Variants in SLC6A20 observed in about 807,000 individuals in gnomAD.
SLC6A20 encodes the protein sodium- and chloride-dependent transporter XTRP3.
In SLC6A20, 73 loss-of-function variants were observed where a neutral mutation model predicts 64.3. The ratio of observed to expected loss-of-function variants is 1.14; its 90% CI spans 0.94 to 1.38. The LOEUF (loss-of-function observed/expected upper bound fraction) is 1.38. Ranked by LOEUF, SLC6A20 falls within the 40% of genes most tolerant of loss-of-function variation. The pLI, the probability that SLC6A20 is intolerant of heterozygous loss-of-function variation, is 0.00. For missense variants in SLC6A20, 725 were observed against 772.8 expected (o/e 0.94, Z 0.73); for synonymous variants, 347 against 329.6 (o/e 1.05, Z -0.57).
At position 45,770,222 on chromosome 3, in the gene SLC6A20, G is replaced by A. The variant is rs536701181; in HGVS notation, c.1085C>T (p.Ser362Leu). The change falls in exon 7 of 11, where the codon TCG (serine) becomes TTG (leucine). Residue 362 changes from serine (S) to leucine (L), a missense_variant. Physicochemically the swap from Ser to Leu is moderately radical, Grantham distance 145. Coordinates refer to ENST00000358525, the MANE Select transcript of SLC6A20 (RefSeq NM_020208.4). The part of the protein sequence containing the change: ...FPQIKNCSLE[S>L]ELDTAVQGTG... ...TGGGCATCTTACCGTGTCTAGCTCC[G>A]ATTCCAAGCTGCAGTTTTTGATTTG... The A allele has an allele frequency of 2.4e-5, 38 of 1,614,188 alleles. No homozygotes were observed. The highest frequency in any genetic ancestry group is 1.4e-4 in the South Asian group (13 of 91,074).
chr3:45,781,974 G>A (rs2125652139), intron 2 of SLC6A20, 109 bp downstream of exon 2: 1 of 1,386,466 alleles, frequency 7.2e-7, no homozygotes, highest in Non-Finnish European at 9.5e-7. Context: ...GCTCTCTCTT[G>A]GGCCTTGTGC....
chr3:45,781,039 G>A (rs1272465503), intron 2 of SLC6A20, among the ~76,000 whole-genome samples: 1 of 152,140 alleles, frequency 6.6e-6, no homozygotes, highest in Non-Finnish European at 1.5e-5. Context: ...TAATAGCCTA[G>A]CGAAACCCCA....
At position 45,770,357 on chromosome 3, in the gene SLC6A20, A is replaced by G. The variant is rs1699840052; in HGVS notation, c.950T>C (p.Leu317Pro). ...ATCTTCAAGGTCAAAAGTGTTGGTC[A>G]GCAGCAGACTCACCCTGCAGAGCAG... ...ENCLKKVSLL[L>P]TNTFDLEDGF... Residue 317 changes from leucine to proline, a missense_variant, in exon 7 of 11, where the codon CTG becomes CCG. Physicochemically the swap from Leu to Pro is moderately conservative, Grantham distance 98 (BLOSUM62 -3). Coordinates refer to ENST00000358525, the MANE Select transcript of SLC6A20 (RefSeq NM_020208.4). The G allele has an allele frequency of 1.2e-6, 2 of 1,614,074 alleles. No homozygotes were observed. The highest frequency in any genetic ancestry group is 4.5e-5 in the East Asian group (2 of 44,894).
At position 45,780,068 on chromosome 3, in the gene SLC6A20, A is replaced by G; in HGVS notation, c.295T>C (p.Ser99Pro). Residue 99 changes from serine to proline, a missense_variant, in exon 3 of 11, where the codon TCC becomes CCC. Transcript: ENST00000358525. ...VASVVVSFFL[S>P]MYYNVINAWA... ...GCGTTGATGACGTTGTAGTACATGG[A>G]GAGGAAGAAAGAGACCACCACGCTG... 6.2e-7 allele frequency: 1 copy of G among 1,601,844 alleles called. No individual in the cohort carries two copies. Among genetic ancestry groups the G allele is most frequent in the Non-Finnish European group, 8.5e-7 (1 of 1,174,044 alleles).
At chr3:45,772,364 CT>C in intron 5 of SLC6A20, 140 bp downstream of exon 5, 1 of 662,968 alleles carries the variant, frequency 1.5e-6, no homozygotes, top group Non-Finnish European at 2.5e-6. Flanking sequence ...CTCCACACTC[CT>C]GCCACACCCT....
At chr3:45,768,357 G>A (rs1354463596) in intron 7 of SLC6A20, among the ~76,000 whole-genome samples, 4 of 152,180 alleles carry the variant, frequency 2.6e-5, no homozygotes, top group Non-Finnish European at 4.4e-5. Context: ...CAGGAAAAAT[G>A]AAGTCTAGAT....
At position 45,785,613 on chromosome 3, in the gene SLC6A20, T is replaced by TTCTCTCTCTCTCTCTCTCTCTCTC. The variant is rs60563353; in HGVS notation, c.122-3414_122-3391dup. On this transcript the variant is annotated intron_variant, in intron 1 of 10. Transcript: ENST00000358525. ...GAGTTAATACTTAATAAACTCCCCTTTCTCTCTCTCTCTCTCTCTCTCTCT... is the reference window on the plus strand; with the variant it reads ...GAGTTAATACTTAATAAACTCCCCTTTCTCTCTCTCTCTCTCTCTCTCTCTCTCTCTCTCTCTCTCTCTCTCTCT... Among the ~76,000 whole-genome samples, 351 of 141,078 alleles carry TTCTCTCTCTCTCTCTCTCTCTCTC rather than the reference T, an allele frequency of 2.5e-3. 6 individuals carry two copies. The highest frequency in any genetic ancestry group is 9.3e-3 in the South Asian group (37 of 3,994). 92.6% of individuals were successfully genotyped at this position (141,078 alleles called of 152,430 possible).
Position 45,796,338 on chromosome 3 carries a change from C to G in SLC6A20, c.82G>C (p.Val28Leu). The G allele has an allele frequency of 6.2e-7, 1 of 1,612,220 alleles. No homozygotes were observed. The highest frequency in any genetic ancestry group is 8.5e-7 in the Non-Finnish European group (1 of 1,179,470). Residue 28 changes from valine to leucine, a missense_variant, in exon 1 of 11, where the codon GTG becomes CTG. Physicochemically the swap from Val to Leu is conservative, Grantham distance 32. Transcript: ENST00000358525. ...CISYAVGLGNVWRFPYLCQMY... is the reference protein window; with the variant it reads ...CISYAVGLGNLWRFPYLCQMY... The stretch of plus-strand genomic sequence containing the variant: ...TGGCACAGGTACGGGAATCGCCACA[C>G]GTTGCCCAGGCCCACGGCGTACGAG...
In SLC6A20 at chr3:45,780,097, A is replaced by G; in HGVS notation, c.266T>C (p.Val89Ala). 6.3e-7 allele frequency: 1 copy of G among 1,588,934 alleles called. No individual in the cohort carries two copies. The highest frequency in any genetic ancestry group is 8.6e-7 in the Non-Finnish European group (1 of 1,167,270). Residue 89 changes from valine (V) to alanine (A), a missense_variant, in exon 3 of 11, where the codon GTC becomes GCC. Val to Ala is a moderately conservative substitution (Grantham distance 64, BLOSUM62 0). Transcript: ENST00000358525. ...TISPYLSGVGVASVVVSFFLS... is the reference protein window; with the variant it reads ...TISPYLSGVGAASVVVSFFLS... The stretch of plus-strand genomic sequence containing the variant: ...GAAGAAAGAGACCACCACGCTGGCG[A>G]CCCCTGCGAGGAAGCAGAGGGCCGC...
chr3:45,767,803 G>A (rs980728571), intron 7 of SLC6A20, among the ~76,000 whole-genome samples: 1 of 152,182 alleles, frequency 6.6e-6, no homozygotes, highest in Non-Finnish European at 1.5e-5. Context: ...AAAGCTGCTT[G>A]CTTACAAAGA....
At chr3:45,764,731 AAAC>A (rs1699746515) in intron 8 of SLC6A20, among the ~76,000 whole-genome samples, 1 of 129,740 alleles carries the variant, frequency 7.7e-6, no homozygotes. Context: ...AAAAGGAAAA[AAAC>A]CCCTAAAATG....
chr3:45,759,752 C>T, intron 10 of SLC6A20, 105 bp downstream of exon 10: 3 of 1,357,704 alleles, frequency 2.2e-6, no homozygotes. Context: ...TGACAAATAA[C>T]CTACCCACAC....
chr3:45,796,057 G>T (rs1352197554), intron 1 of SLC6A20, among the ~76,000 whole-genome samples: 1 of 152,174 alleles, frequency 6.6e-6, no homozygotes, highest in African/African-American at 2.4e-5. Flanking sequence ...AGGGTTGGGG[G>T]CTTGGCCGCC....
intron 1 of SLC6A20, among the ~76,000 whole-genome samples, chr3:45,790,005 GTTGTCTATTTGC>G (rs1700224082): frequency 6.6e-6 from 1 of 152,060 alleles, no homozygotes; most frequent in African/African-American, 2.4e-5. Flanking sequence ...TAGCCAGTAC[GTTGTCTATTTGC>G]TAAACCTAAG....
chr3:45,787,753 C>T lies in SLC6A20; in HGVS notation c.122-5530G>A, dbSNP rs148945957. ...ACCTCCAACTCCTAAACAGTCAGCTCCTTGAGGGTAGAGATGGGATCTGCA... is the reference window on the plus strand; with the variant it reads ...ACCTCCAACTCCTAAACAGTCAGCTTCTTGAGGGTAGAGATGGGATCTGCA... On this transcript the variant is annotated intron_variant, in intron 1 of 10. Transcript: ENST00000358525. Among the ~76,000 whole-genome samples the T allele has an allele frequency of 3.3e-5, 5 of 152,274 alleles. No individual in the cohort carries two copies. The East Asian group carries it at 9.7e-4, about 29-fold the overall frequency.
In SLC6A20 at chr3:45,756,409, T is replaced by A. The variant is rs914438991; in HGVS notation, c.*2569A>T. On this transcript the variant is annotated 3_prime_UTR_variant, in exon 11 of 11. Transcript: ENST00000358525. ...GGTTTTTTGACATAAAAGAACCTTC[T>A]GATAAGAAGATTGAATCCACGGGGT... 2 of 152,170 alleles carry A rather than the reference T, an allele frequency of 1.3e-5. No individual in the cohort carries two copies. Among genetic ancestry groups the A allele is most frequent in the Non-Finnish European group, 2.9e-5 (2 of 68,040 alleles). 9.4% of individuals were successfully genotyped at this position (152,170 alleles called of 1,614,324 possible).
At chr3:45,766,056 G>T (rs974336531) in intron 7 of SLC6A20, among the ~76,000 whole-genome samples, 6 of 152,210 alleles carry the variant, frequency 3.9e-5, no homozygotes, top group African/African-American at 1.4e-4. Context: ...TGCTTCTAAT[G>T]TGATGACCGA....
chr3:45,767,372 G>GA (rs1000155214), intron 7 of SLC6A20, among the ~76,000 whole-genome samples: 3 of 152,020 alleles, frequency 2.0e-5, no homozygotes, highest in Non-Finnish European at 2.9e-5. Flanking sequence ...AAGTAAATCT[G>GA]AAAAAAATAG....
chr3:45,779,636 A>G (rs1700035290), intron 3 of SLC6A20, among the ~76,000 whole-genome samples: 1 of 152,148 alleles, frequency 6.6e-6, no homozygotes, highest in Non-Finnish European at 1.5e-5. Context: ...TGCTGGATTG[A>G]GGGAATCCCT....
Sources: allele counts gnomAD v4.1 joint callset (sites outside exome capture counted in the v4.1 genomes callset), GRCh38; gene constraint gnomAD v4.1.1; transcripts MANE v1.5; gene names NCBI Gene and HGNC (gene_info 2026-07-23, HGNC 2026-07-21).